RAI14: variants seen among roughly 807,000 people sequenced by gnomAD.
RAI14 encodes the protein retinoic acid induced 14.
Under a neutral mutation model 115.4 loss-of-function variants are expected in RAI14, and 45 were observed. The observed-to-expected ratio is 0.39, with a 90% confidence interval of 0.31 to 0.50. RAI14 has a LOEUF of 0.50. Ranked by LOEUF, RAI14 falls within the 20% of genes least tolerant of loss-of-function variation. The pLI, the probability that RAI14 is intolerant of heterozygous loss-of-function variation, is 0.85. For synonymous variants in RAI14, 371 were observed against 415.4 expected, an observed-to-expected ratio of 0.89 and a Z score of 1.30; for missense variants, 939 against 1,131.2, an observed-to-expected ratio of 0.83 and a Z score of 2.44.
intron 2 of RAI14, among the ~76,000 whole-genome samples, chr5:34,702,729 T>C (rs6879943): frequency 1 from 152,018 of 152,314 alleles, 75,869 homozygotes; most frequent in Middle Eastern, 1. Flanking sequence ...TTTTTTGAGA[T>C]GGAGTTTTAC....
At chr5:34,783,496 A>G (rs113448401) in intron 3 of RAI14, among the ~76,000 whole-genome samples, 139 of 152,112 alleles carry the variant, frequency 9.1e-4, no homozygotes, top group Admixed American at 4.6e-3. Context: ...TATTTTACCT[A>G]TTTCCCAAGT....
chr5:34,699,844 A>G lies in RAI14; in HGVS notation c.36+12889A>G, dbSNP rs192963738. Among the ~76,000 whole-genome samples the G allele has an allele frequency of 2.0e-5, 3 of 152,324 alleles. No individual in the cohort carries two copies. The East Asian group carries it at 5.8e-4, about 29-fold the overall frequency. On this transcript the variant is annotated intron_variant, in intron 2 of 17. Coordinates refer to ENST00000265109, the MANE Select transcript of RAI14 (RefSeq NM_015577.3). Reference sequence around the variant, plus strand: ...CCGGCCAAGTAAAGGCCTGGACTTGAATTTCAAATTCCTCATTCCAATTTC... The same window carrying G: ...CCGGCCAAGTAAAGGCCTGGACTTGGATTTCAAATTCCTCATTCCAATTTC...
At chr5:34,778,588 G>A (rs1210296223) in intron 3 of RAI14, among the ~76,000 whole-genome samples, 3 of 151,930 alleles carry the variant, frequency 2.0e-5, no homozygotes, top group Non-Finnish European at 4.4e-5. Context: ...TATACTCTTC[G>A]CATCTCCACA....
At chr5:34,688,847 A>G (rs542515288) in intron 2 of RAI14, among the ~76,000 whole-genome samples, 1 of 151,824 alleles carries the variant, frequency 6.6e-6, no homozygotes, top group Non-Finnish European at 1.5e-5. Context: ...ATAATTAACC[A>G]TTAGGAAGTA....
chr5:34,679,344 T>C (rs947147933), intron 1 of RAI14, among the ~76,000 whole-genome samples: 1 of 152,244 alleles, frequency 6.6e-6, no homozygotes, highest in African/African-American at 2.4e-5. Context: ...CATTGATTCA[T>C]TCAGGCAGTG....
chr5:34,830,960 C>A lies in RAI14; in HGVS notation c.*195C>A. Reference sequence around the variant, plus strand: ...CTCAGAACTGCTTAGAGACTTCAAACCAGCAGAGGTGAAAGTCCCTGTCAT... The same window carrying A: ...CTCAGAACTGCTTAGAGACTTCAAAACAGCAGAGGTGAAAGTCCCTGTCAT... On this transcript the variant is annotated 3_prime_UTR_variant, in exon 18 of 18. Coordinates refer to ENST00000265109, the MANE Select transcript of RAI14 (RefSeq NM_015577.3). The A allele has an allele frequency of 2.1e-6, 2 of 953,812 alleles. No individual in the cohort carries two copies. Among genetic ancestry groups the A allele is most frequent in the Non-Finnish European group, 2.9e-6 (2 of 685,378 alleles). 59.1% of individuals were successfully genotyped at this position (953,812 alleles called of 1,614,324 possible).
chr5:34,679,167 G>T (rs1744209707), intron 1 of RAI14, among the ~76,000 whole-genome samples: 2 of 152,192 alleles, frequency 1.3e-5, no homozygotes, highest in Non-Finnish European at 2.9e-5. Flanking sequence ...TCTAAAGGAA[G>T]ACCCTCCCAC....
intron 1 of RAI14, among the ~76,000 whole-genome samples, chr5:34,686,059 A>C (rs945397336): frequency 6.6e-6 from 1 of 152,154 alleles, no homozygotes; most frequent in Non-Finnish European, 1.5e-5. Flanking sequence ...GACGGGAACA[A>C]ACACTGAGAA....
intron 13 of RAI14, among the ~76,000 whole-genome samples, chr5:34,820,300 C>T (rs2150289170): frequency 6.6e-6 from 1 of 152,282 alleles, no homozygotes; most frequent in South Asian, 2.1e-4. Flanking sequence ...GGAGTTTGAG[C>T]TGGGTGTGGT....
intron 3 of RAI14, among the ~76,000 whole-genome samples, chr5:34,790,512 A>G (rs1411535365): frequency 6.6e-6 from 1 of 152,216 alleles, no homozygotes; most frequent in Non-Finnish European, 1.5e-5. Flanking sequence ...GCTATGTTCC[A>G]AGTTAAGTAG....
chr5:34,734,711 G>T (rs1467542235), intron 2 of RAI14, among the ~76,000 whole-genome samples: 1 of 151,832 alleles, frequency 6.6e-6, no homozygotes, highest in Non-Finnish European at 1.5e-5. Context: ...GCGTAGGCTG[G>T]AGTGCAGTGG....
Position 34,823,053 on chromosome 5 carries a change from C to A in RAI14, c.1211C>A (p.Thr404Asn). 6.2e-7 allele frequency: 1 copy of A among 1,613,234 alleles called. No individual in the cohort carries two copies. Among genetic ancestry groups the A allele is most frequent in the South Asian group, 1.1e-5 (1 of 91,066 alleles). ...CCATCCCTGGGAAAACCTGGTGAAA[C>A]CTCTCCCCCAGACTCCAAATCATCT... ...LGPSLGKPGETSPPDSKSSPS... is the reference protein window; with the variant it reads ...LGPSLGKPGENSPPDSKSSPS... Residue 404 changes from threonine to asparagine, a missense_variant, in exon 15 of 18, where the codon ACC (threonine) becomes AAC (asparagine). Thr to Asn is a moderately conservative substitution (Grantham distance 65). Coordinates refer to ENST00000265109, the MANE Select transcript of RAI14 (RefSeq NM_015577.3). This position sits in a 1 kb window ranked among gnomAD's most constrained non-coding sequence, Gnocchi z 4.5.
chr5:34,815,747 A>G (rs1756156262), intron 12 of RAI14, among the ~76,000 whole-genome samples: 1 of 152,204 alleles, frequency 6.6e-6, no homozygotes, highest in Non-Finnish European at 1.5e-5. Flanking sequence ...TGGTGACTAT[A>G]GTTAATAACA....
chr5:34,673,320 T>C (rs1743749250), intron 1 of RAI14, among the ~76,000 whole-genome samples: 1 of 152,110 alleles, frequency 6.6e-6, no homozygotes, highest in Non-Finnish European at 1.5e-5. Flanking sequence ...GTGAGGGCAA[T>C]GGGGCAGGAC....
chr5:34,665,801 T>G (rs568652852), intron 1 of RAI14, among the ~76,000 whole-genome samples: 22 of 152,286 alleles, frequency 1.4e-4, no homozygotes, highest in Non-Finnish European at 8.8e-5. Flanking sequence ...GGCTCTATTT[T>G]TCTATCATGT....
At chr5:34,678,090 T>A (rs957650631) in intron 1 of RAI14, among the ~76,000 whole-genome samples, 19 of 131,636 alleles carry the variant, frequency 1.4e-4, no homozygotes, top group African/African-American at 4.8e-4. Context: ...GGATAAAAAA[T>A]TTTGTTTTGT....
At chr5:34,815,833 A>G (rs1232171844) in intron 12 of RAI14, among the ~76,000 whole-genome samples, 1 of 152,238 alleles carries the variant, frequency 6.6e-6, no homozygotes, top group African/African-American at 2.4e-5. Context: ...AGTGTGTGAG[A>G]TTAATTAGCT....
chr5:34,732,210 G>T (rs981571420), intron 2 of RAI14, among the ~76,000 whole-genome samples: 6 of 152,152 alleles, frequency 3.9e-5, no homozygotes, highest in African/African-American at 1.4e-4. Context: ...TGGTGTTTCT[G>T]TTCTGCCATG....
intron 2 of RAI14, among the ~76,000 whole-genome samples, chr5:34,718,054 TC>T (rs1174896690): frequency 6.6e-6 from 1 of 152,052 alleles, no homozygotes; most frequent in African/African-American, 2.4e-5. Flanking sequence ...ACAATCACTG[TC>T]ACTGGCTGCA....
Sources: allele counts gnomAD v4.1 joint callset (sites outside exome capture counted in the v4.1 genomes callset), GRCh38; gene constraint gnomAD v4.1.1; non-coding constraint Gnocchi (gnomAD v3.1); transcripts MANE v1.5; gene names NCBI Gene and HGNC (gene_info 2026-07-23, HGNC 2026-07-21).